The following NTNG1 variants were observed in gnomAD, a reference collection of about 807,000 sequenced individuals.
NTNG1 encodes the protein netrin-G1.
NTNG1 carries 16 observed loss-of-function variants against 54.0 expected under a neutral mutation model. That is an observed-to-expected ratio of 0.30 (90% CI 0.20 to 0.45). The LOEUF (loss-of-function observed/expected upper bound fraction) is 0.45, where lower values mean the gene tolerates loss of function less well. NTNG1 is among the 20% of genes least tolerant of loss of function. The pLI, the probability that NTNG1 is intolerant of heterozygous loss-of-function variation, is 1.00. For synonymous variants in NTNG1, 255 were observed against 263.1 expected (o/e 0.97, Z 0.30); for missense variants, 530 against 678.7 (o/e 0.78, Z 2.43).
At chr1:107,339,116 A>C (rs929670797) in intron 3 of NTNG1, among the ~76,000 whole-genome samples, 1 of 151,990 alleles carries the variant, frequency 6.6e-6, no homozygotes, top group Non-Finnish European at 1.5e-5. Context: ...CTGGCTGATT[A>C]TGGATGGAGG....
intron 2 of NTNG1, among the ~76,000 whole-genome samples, chr1:107,245,953 CA>C (rs1199109073): frequency 1.3e-5 from 2 of 152,288 alleles, no homozygotes; most frequent in South Asian, 4.1e-4. Flanking sequence ...CTTATTAAAA[CA>C]AAATTTATTT....
At chr1:107,354,466 C>T (rs2100916367) in intron 3 of NTNG1, among the ~76,000 whole-genome samples, 1 of 58,666 alleles carries the variant, frequency 1.7e-5, no homozygotes, top group African/African-American at 6.7e-5. Context: ...GAGACTCCAT[C>T]TCAAAAAAAA....
At chr1:107,452,690 C>A (rs1373866652) in intron 7 of NTNG1, among the ~76,000 whole-genome samples, 2 of 152,140 alleles carry the variant, frequency 1.3e-5, no homozygotes, top group Admixed American at 6.5e-5. Flanking sequence ...GGTTTTCTTT[C>A]TTTCCAAGTG....
intron 7 of NTNG1, among the ~76,000 whole-genome samples, chr1:107,479,993 C>T (rs1476937642): frequency 6.6e-6 from 1 of 151,962 alleles, no homozygotes; most frequent in Admixed American, 6.6e-5. Flanking sequence ...GACTGCTTTT[C>T]CTCACACTCC....
At chr1:107,191,390 T>C (rs1397881817) in intron 2 of NTNG1, among the ~76,000 whole-genome samples, 1 of 152,178 alleles carries the variant, frequency 6.6e-6, no homozygotes, top group Non-Finnish European at 1.5e-5. Context: ...CTGTTCACTC[T>C]GATGGTAGTT....
chr1:107,203,003 A>C (rs1027798815), intron 2 of NTNG1, among the ~76,000 whole-genome samples: 1 of 152,020 alleles, frequency 6.6e-6, no homozygotes, highest in Non-Finnish European at 1.5e-5. Context: ...CCAAAATTTA[A>C]AATTATTTAA....
At chr1:107,409,843 C>G (rs1673680518) in intron 5 of NTNG1, 1 of 152,106 alleles carries the variant, frequency 6.6e-6, no homozygotes, top group African/African-American at 2.4e-5. Flanking sequence ...GTAAAACCAT[C>G]AAACGTGATT....
intron 3 of NTNG1, among the ~76,000 whole-genome samples, chr1:107,343,437 A>G (rs1271829180): frequency 6.6e-6 from 1 of 152,034 alleles, no homozygotes; most frequent in Non-Finnish European, 1.5e-5. Context: ...TCAAGCCCAC[A>G]ATTTCTTTGA....
At chr1:107,462,204 T>C (rs1200890929) in intron 7 of NTNG1, among the ~76,000 whole-genome samples, 2 of 152,226 alleles carry the variant, frequency 1.3e-5, no homozygotes, top group East Asian at 3.8e-4. Context: ...CCTACCAGTT[T>C]CTGTTTCGTG....
At chr1:107,383,817 G>T (rs905675182) in intron 3 of NTNG1, among the ~76,000 whole-genome samples, 4 of 152,166 alleles carry the variant, frequency 2.6e-5, no homozygotes, top group African/African-American at 9.7e-5. Flanking sequence ...TATTTCTGGG[G>T]CTGGAATACC....
intron 5 of NTNG1, among the ~76,000 whole-genome samples, chr1:107,417,841 C>T (rs1674319806): frequency 6.6e-6 from 1 of 152,096 alleles, no homozygotes; most frequent in Non-Finnish European, 1.5e-5. Context: ...CCTTCCATAA[C>T]TGGAAGACAC....
chr1:107,428,813 C>G (rs1233510121), intron 5 of NTNG1, among the ~76,000 whole-genome samples: 1 of 152,134 alleles, frequency 6.6e-6, no homozygotes, highest in Non-Finnish European at 1.5e-5. Flanking sequence ...CAAGGCGTAA[C>G]TCTGAGCGGT....
intron 3 of NTNG1, among the ~76,000 whole-genome samples, chr1:107,335,441 C>T (rs150912943): frequency 2.7e-4 from 41 of 152,086 alleles, no homozygotes; most frequent in Non-Finnish European, 5.4e-4. Context: ...AGTGGCCAAA[C>T]TCAACTATAT....
intron 2 of NTNG1, among the ~76,000 whole-genome samples, chr1:107,197,128 T>C (rs1475980576): frequency 2.6e-5 from 4 of 152,054 alleles, no homozygotes; most frequent in Admixed American, 2.6e-4. Flanking sequence ...CATGCAGTAC[T>C]TTTAGTTGCT....
intron 7 of NTNG1, among the ~76,000 whole-genome samples, chr1:107,449,914 C>T (rs906580254): frequency 2.0e-5 from 3 of 151,990 alleles, no homozygotes; most frequent in Admixed American, 6.6e-5. Flanking sequence ...ACCAGGTTCC[C>T]AATTACCATT....
chr1:107,449,962 T>A (rs1434691374), intron 7 of NTNG1, among the ~76,000 whole-genome samples: 2 of 152,088 alleles, frequency 1.3e-5, no homozygotes, highest in African/African-American at 2.4e-5. Context: ...CTTGTCTTGA[T>A]AAAATATTTC....
chr1:107,448,458 G>A lies in NTNG1; in HGVS notation c.1390+11659G>A, dbSNP rs749412061. On this transcript the variant is annotated intron_variant, in intron 7 of 7. Transcript: ENST00000370068. ...CAACTTAAAAGTGTGATCCCTCAAT[G>A]GGTATGATCAGCATCACTTGGGAAT... 9.6e-4 allele frequency among the ~76,000 whole-genome samples: 146 copies of A among 152,124 alleles called. 1 individual carries two copies. The highest frequency in any genetic ancestry group is 2.7e-3 in the South Asian group (13 of 4,820).
At chr1:107,208,701 T>TG (rs1031586353) in intron 2 of NTNG1, among the ~76,000 whole-genome samples, 7 of 152,110 alleles carry the variant, frequency 4.6e-5, no homozygotes, top group African/African-American at 1.7e-4. Flanking sequence ...GCATTGTCCT[T>TG]GGGTTAGGCA....
At chr1:107,275,705 T>C (rs1439248019) in intron 2 of NTNG1, among the ~76,000 whole-genome samples, 2 of 152,242 alleles carry the variant, frequency 1.3e-5, no homozygotes, top group African/African-American at 4.8e-5. Flanking sequence ...TCAGCCTTTA[T>C]GTTCTATTCA....
Sources: gnomAD v4.1 joint callset for allele counts (sites outside exome capture counted in the v4.1 genomes callset) on GRCh38, gnomAD v4.1.1 for gene constraint, MANE v1.5 for transcripts, NCBI Gene and HGNC (gene_info 2026-07-23, HGNC 2026-07-21) for gene names.